Variants in NALCN observed in about 807,000 individuals in gnomAD.
The protein encoded by NALCN is sodium leak channel NALCN.
In NALCN, 111 loss-of-function variants were observed where a neutral mutation model predicts 225.3. The ratio of observed to expected loss-of-function variants is 0.49; its 90% CI spans 0.42 to 0.58. The LOEUF (loss-of-function observed/expected upper bound fraction) is 0.58. Ranked by LOEUF, NALCN falls within the 20% of genes least tolerant of loss-of-function variation. The pLI is 0.00. For synonymous variants in NALCN, 764 were observed against 769.0 expected (o/e 0.99, Z 0.11); for missense variants, 1,378 against 2,202.4 (o/e 0.63, Z 7.49).
At chr13:101,146,566 G>A (rs2037354964) in intron 15 of NALCN, among the ~76,000 whole-genome samples, 1 of 152,210 alleles carries the variant, frequency 6.6e-6, no homozygotes, top group African/African-American at 2.4e-5. Context: ...ATACTTGTCA[G>A]TGGTAAATAG....
intron 14 of NALCN, among the ~76,000 whole-genome samples, chr13:101,190,898 C>T (rs1306225362): frequency 6.6e-6 from 1 of 152,132 alleles, no homozygotes; most frequent in East Asian, 1.9e-4. Context: ...TAATTAGCTG[C>T]AAGACTAAGG....
intron 30 of NALCN, among the ~76,000 whole-genome samples, chr13:101,084,333 TA>T (rs2033823138): frequency 6.6e-6 from 1 of 152,212 alleles, no homozygotes; most frequent in African/African-American, 2.4e-5. Flanking sequence ...TTCTGTATAA[TA>T]GAGTACTTGA....
chr13:101,327,127 G>C (rs375630743), intron 7 of NALCN, among the ~76,000 whole-genome samples: 3 of 152,126 alleles, frequency 2.0e-5, no homozygotes, highest in Non-Finnish European at 4.4e-5. Flanking sequence ...CATGGCAAAT[G>C]GGTTATGTGT....
chr13:101,123,258 C>T (rs566881137), intron 18 of NALCN, among the ~76,000 whole-genome samples: 1 of 152,324 alleles, frequency 6.6e-6, no homozygotes, highest in Admixed American at 6.5e-5. Context: ...CCTGTAGTTC[C>T]TGACTTGGCA....
chr13:101,399,434 G>T (rs1164024805), intron 1 of NALCN, among the ~76,000 whole-genome samples: 2 of 152,288 alleles, frequency 1.3e-5, no homozygotes, highest in East Asian at 3.9e-4. Context: ...AGTAAAATGG[G>T]TTGCTTCTTA....
intron 15 of NALCN, among the ~76,000 whole-genome samples, chr13:101,172,978 A>T (rs2038802860): frequency 6.6e-6 from 1 of 152,238 alleles, no homozygotes; most frequent in South Asian, 2.1e-4. Flanking sequence ...AATAAAAGAC[A>T]TTAAAGTCAC....
rs771531599 is a variant in NALCN, at chr13:101,060,275, G to GTTTTTTTTTTTTTTTTTTTT, written c.4756-309_4756-308insAAAAAAAAAAAAAAAAAAAA. 4.4e-4 allele frequency among the ~76,000 whole-genome samples: 35 copies of GTTTTTTTTTTTTTTTTTTTT among 79,854 alleles called. 5 individuals carry two copies. Among genetic ancestry groups the GTTTTTTTTTTTTTTTTTTTT allele is most frequent in the South Asian group, 1.7e-3 (3 of 1,782 alleles). The allele number at this position is 79,854 out of a possible 152,430, so 52.4% of individuals were successfully genotyped here. ...TTTCTTTTTGTTGTTGGTGTTTTCT[G>GTTTTTTTTTTTTTTTTTTTT]TTTTTTTTTTTTTTTTTTTAGATAG... is the stretch of plus-strand genomic sequence containing the variant. On this transcript the variant is annotated intron_variant, in intron 41 of 43. Transcript: ENST00000251127.
At chr13:101,386,848 G>T (rs2047001117) in intron 3 of NALCN, among the ~76,000 whole-genome samples, 1 of 145,246 alleles carries the variant, frequency 6.9e-6, no homozygotes. Context: ...ATGACAGCTG[G>T]GCAAAAATAC....
chr13:101,397,066 TTATATATA>T lies in NALCN; in HGVS notation c.109-1709_109-1702del, dbSNP rs368771604. 6.1e-3 allele frequency among the ~76,000 whole-genome samples: 341 copies of T among 56,362 alleles called. 4 individuals carry two copies. The highest frequency in any genetic ancestry group is 0.014 in the African/African-American group (202 of 14,900). 37.0% of individuals were successfully genotyped at this position (56,362 alleles called of 152,430 possible). ...AAGAAGTAAAACACCTATGAATGTA[TTATATATA>T]TATATATATATATATATATATATAT... On this transcript the variant is annotated intron_variant, in intron 2 of 43. Transcript: ENST00000251127.
At chr13:101,191,808 C>T in intron 14 of NALCN, 109 bp downstream of exon 14, 1 of 1,107,000 alleles carries the variant, frequency 9.0e-7, no homozygotes, top group Non-Finnish European at 1.3e-6. Flanking sequence ...GATTAGTCTG[C>T]ATTAGTCCTT....
intron 34 of NALCN, among the ~76,000 whole-genome samples, chr13:101,080,765 A>AT (rs1555376681): frequency 1.5e-4 from 18 of 119,498 alleles, no homozygotes; most frequent in South Asian, 9.2e-4. Flanking sequence ...ATAATTAATT[A>AT]TTATTTATTT....
At chr13:101,406,285 T>G (rs978127170) in intron 1 of NALCN, among the ~76,000 whole-genome samples, 2 of 152,032 alleles carry the variant, frequency 1.3e-5, no homozygotes, top group Admixed American at 6.6e-5. Context: ...AAGATCATAC[T>G]ACTGCCCCTC....
At chr13:101,181,426 GT>G in intron 14 of NALCN, 1 of 471,032 alleles carries the variant, frequency 2.1e-6, no homozygotes, top group Non-Finnish European at 4.2e-6. Flanking sequence ...GTGTGTTTTT[GT>G]TTTTAATGCA....
chr13:101,115,182 T>C lies in NALCN; in HGVS notation c.2193-3956A>G, dbSNP rs74914546. On this transcript the variant is annotated intron_variant, in intron 18 of 43. Transcript: ENST00000251127. ...TTTTAAAGGGGCAAGTTAAATAATC[T>C]TAATTTTATCTCAAGTTAGAATATG... 5.2e-3 allele frequency among the ~76,000 whole-genome samples: 792 copies of C among 152,278 alleles called. 5 individuals carry two copies. The highest frequency in any genetic ancestry group is 0.018 in the African/African-American group (735 of 41,550).
intron 37 of NALCN, among the ~76,000 whole-genome samples, chr13:101,070,288 G>A (rs573158297): frequency 2.6e-5 from 4 of 151,870 alleles, no homozygotes; most frequent in African/African-American, 7.3e-5. Flanking sequence ...GGATGGTCTC[G>A]ATCTCCTGAC....
intron 9 of NALCN, among the ~76,000 whole-genome samples, chr13:101,289,964 G>A (rs1411658457): frequency 1.3e-5 from 2 of 152,120 alleles, no homozygotes; most frequent in Non-Finnish European, 2.9e-5. Flanking sequence ...CTGCCTGAGT[G>A]GTGTTTCACC....
chr13:101,195,247 T>C (rs1566414537), intron 13 of NALCN, among the ~76,000 whole-genome samples: 1 of 152,238 alleles, frequency 6.6e-6, no homozygotes, highest in Admixed American at 6.5e-5. Context: ...TCCATTTTTC[T>C]GCCCTGTTGA....
intron 17 of NALCN, among the ~76,000 whole-genome samples, chr13:101,128,856 C>G (rs1163667511): frequency 1.3e-5 from 2 of 151,972 alleles, no homozygotes; most frequent in Admixed American, 1.3e-4. Flanking sequence ...AGCCACCGCA[C>G]CCAGCCAAGA....
chr13:101,162,369 A>G (rs1030671818), intron 15 of NALCN, among the ~76,000 whole-genome samples: 1 of 152,248 alleles, frequency 6.6e-6, no homozygotes, highest in African/African-American at 2.4e-5. Flanking sequence ...ATGATAAAGC[A>G]GATTGTGAGG....
Sources: gnomAD v4.1 joint callset for allele counts (sites outside exome capture counted in the v4.1 genomes callset) on GRCh38, gnomAD v4.1.1 for gene constraint, MANE v1.5 for transcripts, NCBI Gene and HGNC (gene_info 2026-07-23, HGNC 2026-07-21) for gene names.